The following NIPSNAP2 variants were observed in gnomAD, a reference collection of about 807,000 sequenced individuals.
NIPSNAP2 encodes nipsnap homolog 2.
A neutral mutation model predicts 48.4 loss-of-function variants in NIPSNAP2; 42 were observed. That is an observed-to-expected ratio of 0.87 (90% CI 0.68 to 1.12). NIPSNAP2 has a LOEUF of 1.12. Ranked by LOEUF, NIPSNAP2 falls within the 50% of genes most tolerant of loss-of-function variation. The pLI is 0.00. For missense variants in NIPSNAP2, 314 were observed against 347.3 expected (o/e 0.90, Z 0.76); for synonymous variants, 158 against 126.6 (o/e 1.25, Z -1.67).
At chr7:55,977,592 A>C (rs947940776) in intron 1 of NIPSNAP2, among the ~76,000 whole-genome samples, 1 of 152,208 alleles carries the variant, frequency 6.6e-6, no homozygotes, top group African/African-American at 2.4e-5. Context: ...CATCACCACT[A>C]TCTGTTTCCA....
chr7:55,966,672 CTTGGTAGGCTG>C (rs892459109), intron 1 of NIPSNAP2, among the ~76,000 whole-genome samples: 101 of 152,224 alleles, frequency 6.6e-4, no homozygotes, highest in African/African-American at 2.4e-3. Context: ...GTCCCAGCTA[CTTGGTAGGCTG>C]AGGTGGGAGT....
intron 7 of NIPSNAP2, among the ~76,000 whole-genome samples, chr7:55,986,039 C>T (rs1787325143): frequency 6.6e-6 from 1 of 151,798 alleles, no homozygotes; most frequent in South Asian, 2.1e-4. Flanking sequence ...CAGAGTGAGA[C>T]TCCTTTTCAA....
intron 1 of NIPSNAP2, among the ~76,000 whole-genome samples, chr7:55,968,258 A>C (rs998812130): frequency 6.6e-6 from 1 of 152,150 alleles, no homozygotes; most frequent in Non-Finnish European, 1.5e-5. Flanking sequence ...GGGAGTGGAT[A>C]TTAGATATGA....
chr7:55,991,761 A>AT (rs1190385564), intron 7 of NIPSNAP2: 17,392 of 148,794 alleles, frequency 0.12, 998 homozygotes, highest in Non-Finnish European at 0.16. Flanking sequence ...AAAAAAAAAA[A>AT]AAAAATATAT....
chr7:55,972,190 C>T (rs1331928937), intron 1 of NIPSNAP2, among the ~76,000 whole-genome samples: 2 of 151,734 alleles, frequency 1.3e-5, no homozygotes, highest in Non-Finnish European at 2.9e-5. Context: ...CCGCTAGTCT[C>T]AACTGCTTAG....
In NIPSNAP2 at chr7:55,982,266, C is replaced by T; in HGVS notation, c.430C>T (p.Leu144Phe). The T allele has an allele frequency of 1.3e-6, 2 of 1,599,442 alleles. No individual in the cohort carries two copies. The highest frequency in any genetic ancestry group is 8.6e-7 in the Non-Finnish European group (1 of 1,167,172). Residue 144 changes from leucine to phenylalanine, a missense_variant, in exon 5 of 10, where the codon CTC (leucine) becomes TTC (phenylalanine). Coordinates refer to ENST00000322090, the MANE Select transcript of NIPSNAP2 (RefSeq NM_001483.3). ...AGCCCTCACAGAAGTCATGAATAAA[C>T]TCAGAGAAAATAAGGTAATGATATT... Reference protein sequence around the residue: ...YPALTEVMNKLRENKEFLEFR... With the variant: ...YPALTEVMNKFRENKEFLEFR...
chr7:55,965,731 C>T (rs112132543), intron 1 of NIPSNAP2, among the ~76,000 whole-genome samples: 22,971 of 152,068 alleles, frequency 0.15, 1,883 homozygotes, highest in Non-Finnish European at 0.18. Flanking sequence ...CAGGCATGCA[C>T]CACCACACCC....
In NIPSNAP2 at chr7:55,997,135, G is replaced by A. The variant is rs113549792; in HGVS notation, c.713-231G>A. Among the ~76,000 whole-genome samples, 1,163 of 150,924 alleles carry A rather than the reference G, an allele frequency of 7.7e-3. 11 individuals carry two copies. Among genetic ancestry groups the A allele is most frequent in the African/African-American group, 0.026 (1,053 of 41,036 alleles). On this transcript the variant is annotated intron_variant, in intron 8 of 9. Coordinates refer to ENST00000322090, the MANE Select transcript of NIPSNAP2 (RefSeq NM_001483.3). ...CATCGTGCCATTGCGCTCCAGGCTG[G>A]TTGACAGAGTGACCTTGTCTCAGAA...
intron 2 of NIPSNAP2, 37 bp from the exon 3 acceptor site, chr7:55,978,313 G>A (rs770651596): frequency 9.3e-6 from 15 of 1,612,790 alleles, no homozygotes; most frequent in Middle Eastern, 1.6e-4. Flanking sequence ...TTTCCCCTTT[G>A]TTCCTAAGTT....
intron 1 of NIPSNAP2, among the ~76,000 whole-genome samples, chr7:55,970,488 T>C (rs1316301193): frequency 4.6e-5 from 7 of 151,902 alleles, no homozygotes; most frequent in Non-Finnish European, 2.9e-5. Context: ...TTTTGGTATT[T>C]TTTAGTAGAG....
chr7:55,978,857 C>G (rs941881307), intron 3 of NIPSNAP2: 2 of 154,688 alleles, frequency 1.3e-5, no homozygotes, highest in Admixed American at 6.4e-5. Context: ...CCATTTCTTC[C>G]CAACTCCTCT....
intron 8 of NIPSNAP2, among the ~76,000 whole-genome samples, chr7:55,995,407 C>T (rs1185589990): frequency 6.6e-6 from 1 of 152,178 alleles, no homozygotes; most frequent in Non-Finnish European, 1.5e-5. Flanking sequence ...GTTCCACTGT[C>T]TCATGACATT....
intron 1 of NIPSNAP2, among the ~76,000 whole-genome samples, chr7:55,967,124 C>A (rs548491419): frequency 6.6e-6 from 1 of 152,250 alleles, no homozygotes; most frequent in Non-Finnish European, 1.5e-5. Context: ...AATTCCCAGC[C>A]GCTTCCTGGA....
intron 1 of NIPSNAP2, among the ~76,000 whole-genome samples, chr7:55,977,756 A>C (rs1474118287): frequency 6.6e-6 from 1 of 152,038 alleles, no homozygotes; most frequent in East Asian, 1.9e-4. Context: ...TCATCTTCCT[A>C]AACTGAAACT....
intron 9 of NIPSNAP2, among the ~76,000 whole-genome samples, chr7:55,998,132 G>A (rs1344913991): frequency 6.6e-6 from 1 of 151,860 alleles, no homozygotes; most frequent in Non-Finnish European, 1.5e-5. Context: ...CCAGCCTGAC[G>A]AACATGATGA....
intron 3 of NIPSNAP2, chr7:55,979,494 TTC>T (rs372351421): frequency 4.4e-4 from 121 of 274,172 alleles, no homozygotes; most frequent in African/African-American, 2.6e-3. Flanking sequence ...CGTTCCTTAG[TTC>T]TCTGTGGTGA....
intron 7 of NIPSNAP2, among the ~76,000 whole-genome samples, chr7:55,991,104 T>C (rs1174024507): frequency 6.6e-6 from 1 of 152,014 alleles, no homozygotes; most frequent in East Asian, 1.9e-4. Flanking sequence ...GTTTTTCTCT[T>C]TTTTCGGTTA....
chr7:55,976,905 A>G (rs1292103905), intron 1 of NIPSNAP2, among the ~76,000 whole-genome samples: 1 of 151,504 alleles, frequency 6.6e-6, no homozygotes, highest in Non-Finnish European at 1.5e-5. Context: ...AAAAAAAGAA[A>G]GAAAAAATCC....
chr7:55,992,087 A>G (rs1235148535), intron 7 of NIPSNAP2, among the ~76,000 whole-genome samples: 1 of 152,134 alleles, frequency 6.6e-6, no homozygotes, highest in Non-Finnish European at 1.5e-5. Flanking sequence ...TTCTCAATGT[A>G]AAGATTAAAG....
Sources: allele counts gnomAD v4.1 joint callset (sites outside exome capture counted in the v4.1 genomes callset), GRCh38; gene constraint gnomAD v4.1.1; transcripts MANE v1.5; gene names NCBI Gene and HGNC (gene_info 2026-07-23, HGNC 2026-07-21).